Variants in ADAMTS13 observed in about 807,000 individuals in gnomAD.
The protein encoded by ADAMTS13 is ADAM metallopeptidase with thrombospondin type 1 motif 13.
A neutral mutation model predicts 155.1 loss-of-function variants in ADAMTS13; 110 were observed. The ratio of observed to expected loss-of-function variants is 0.71; its 90% confidence interval spans 0.61 to 0.83. The LOEUF is 0.83. Ranked by LOEUF, ADAMTS13 falls within the 40% of genes least tolerant of loss-of-function variation. ADAMTS13 has a pLI of 0.00. For synonymous variants in ADAMTS13, 758 were observed against 756.4 expected (o/e 1.00, Z -0.03); for missense variants, 1,707 against 1,891.7 (o/e 0.90, Z 1.81).
chr9:133,418,203 T>G, upstream of ADAMTS13: 1 of 316,720 alleles, frequency 3.2e-6, no homozygotes, highest in Non-Finnish European at 5.9e-6. Flanking sequence ...CTCCCCAAGA[T>G]CCGGGATGGG....
intron 15 of ADAMTS13, among the ~76,000 whole-genome samples, chr9:133,439,649 A>G (rs1281572345): frequency 6.6e-6 from 1 of 152,238 alleles, no homozygotes; most frequent in Non-Finnish European, 1.5e-5. Context: ...AGAAGAACAC[A>G]GGTTAGAATT....
chr9:133,432,985 G>A (rs1840882450), intron 9 of ADAMTS13, among the ~76,000 whole-genome samples: 1 of 150,982 alleles, frequency 6.6e-6, no homozygotes. Flanking sequence ...GTGTCTCGGG[G>A]GGGATCCCTG....
At chr9:133,457,294 C>T (rs988657119) in intron 27 of ADAMTS13, among the ~76,000 whole-genome samples, 1 of 152,222 alleles carries the variant, frequency 6.6e-6, no homozygotes, top group African/African-American at 2.4e-5. Context: ...AGAGGTTCCT[C>T]GGCTCCCCCA....
Position 133,414,702 on chromosome 9 carries a change from G to A in ADAMTS13, n.287+58G>A, listed in dbSNP as rs201828143. ...GCTGGGGCTGCCTCCTTAGCTTTCC[G>A]CTTCTTATGCTCGATGTCCCCTCGT... On this transcript the variant is annotated intron_variant and non_coding_transcript_variant, in intron 1 of 17. Transcript: ENST00000485925. 7 of 1,614,016 alleles carry A rather than the reference G, an allele frequency of 4.3e-6. No individual in the cohort carries two copies. In the African/African-American group the frequency reaches 5.3e-5, roughly 12 times the overall value.
At chr9:133,420,827 A>C (rs1839923263), upstream of ADAMTS13, among the ~76,000 whole-genome samples, 1 of 152,276 alleles carries the variant, frequency 6.6e-6, no homozygotes, top group African/African-American at 2.4e-5. Context: ...TTTAAAGATC[A>C]ATTTCAATGG....
chr9:133,455,580 C>T, intron 25 of ADAMTS13, 145 bp downstream of exon 25: 1 of 1,604,986 alleles, frequency 6.2e-7, no homozygotes, highest in Non-Finnish European at 8.5e-7. Context: ...CTGCCCGGGC[C>T]CCAGGAAAAC....
chr9:133,433,811 T>G (rs1840974002), intron 11 of ADAMTS13, 107 bp downstream of exon 11: 1 of 1,354,868 alleles, frequency 7.4e-7, no homozygotes, highest in Admixed American at 1.8e-5. Context: ...AGAAGGACAT[T>G]GGGGCCAGGT....
chr9:133,444,481 AT>A (rs1333181899), intron 19 of ADAMTS13, among the ~76,000 whole-genome samples: 1 of 151,768 alleles, frequency 6.6e-6, no homozygotes, highest in East Asian at 1.9e-4. Flanking sequence ...TAATTTTTGT[AT>A]TTTTTGTAGA....
intron 13 of ADAMTS13, 27 bp from the exon 14 acceptor site, chr9:133,438,218 CG>C: frequency 6.2e-7 from 1 of 1,614,096 alleles, no homozygotes; most frequent in South Asian, 1.1e-5. Context: ...TCCAGTGACA[CG>C]GGCCCTCTGT....
chr9:133,426,465 C>A, intron 6 of ADAMTS13, 120 bp downstream of exon 6: 1 of 1,359,952 alleles, frequency 7.4e-7, no homozygotes. Context: ...AGCCTGTACC[C>A]CTCACCCCGA....
intron 18 of ADAMTS13, 63 bp from the exon 19 acceptor site, chr9:133,443,313 C>T: frequency 1.3e-6 from 2 of 1,541,788 alleles, no homozygotes; most frequent in South Asian, 1.2e-5. Context: ...GCACCTGCCA[C>T]CCCATCACCC....
At position 133,432,646 on chromosome 9, in the gene ADAMTS13, G is replaced by A. The variant is rs1554787819; in HGVS notation, c.1046G>A (p.Arg349His). 9.0e-6 allele frequency: 14 copies of A among 1,559,726 alleles called. No homozygotes were observed. Among genetic ancestry groups the A allele is most frequent in the South Asian group, 2.4e-5 (2 of 84,780 alleles). Residue 349 changes from arginine to histidine, a missense_variant, in exon 9 of 29, where the codon CGC becomes CAC. Coordinates refer to ENST00000355699, the MANE Select transcript of ADAMTS13 (RefSeq NM_139027.6). ...CCGCTGGACCAAAGCAGCTGCAGCC[G>A]CCTCCTCGTTCCTCTCCTGGATGGG... ...TDPLDQSSCSRLLVPLLDGTE... is the reference protein window; with the variant it reads ...TDPLDQSSCSHLLVPLLDGTE...
At position 133,459,302 on chromosome 9, in the gene ADAMTS13, C is replaced by A; in HGVS notation, c.*122C>A. 1.9e-6 allele frequency: 2 copies of A among 1,040,612 alleles called. No individual in the cohort carries two copies. The highest frequency in any genetic ancestry group is 2.9e-6 in the Non-Finnish European group (2 of 691,048). The allele number at this position is 1,040,612 out of a possible 1,614,324, so 64.5% of individuals were successfully genotyped here. A position where few individuals can be genotyped will look rare whatever the true frequency, so the allele number is the denominator to read the frequency against. On this transcript the variant is annotated 3_prime_UTR_variant, in exon 29 of 29. Transcript: ENST00000355699. ...CTACTTTAGAGTCTTCTCCAATGTC[C>A]AAAAGGCTAGGGGGTTGGAGGTGGG...
intron 19 of ADAMTS13, 27 bp downstream of exon 19, chr9:133,443,588 G>A: frequency 6.6e-7 from 1 of 1,521,536 alleles, no homozygotes; most frequent in Non-Finnish European, 8.8e-7. Context: ...GTGGGGCTGG[G>A]AGAGGGCCTT....
intron 23 of ADAMTS13, among the ~76,000 whole-genome samples, chr9:133,450,489 G>A (rs951149777): frequency 2.7e-4 from 41 of 151,692 alleles, no homozygotes; most frequent in African/African-American, 9.9e-4. Context: ...CGCTTGAACC[G>A]GGGAGGCCAA....
At chr9:133,454,274 G>T in intron 23 of ADAMTS13, 141 bp from the exon 24 acceptor site, 1 of 1,019,906 alleles carries the variant, frequency 9.8e-7, no homozygotes, top group Non-Finnish European at 1.5e-6. Context: ...GAGGGGCTCA[G>T]TGGCTGCACT....
In ADAMTS13 at chr9:133,433,545, T is replaced by A. The variant is rs1554788160; in HGVS notation, c.1244+16T>A. 6.2e-7 allele frequency: 1 copy of A among 1,613,212 alleles called. No individual in the cohort carries two copies. Among genetic ancestry groups the A allele is most frequent in the East Asian group, 2.2e-5 (1 of 44,866 alleles). ...ACAACCCCAGGTACCGCAGGGAGGGTGCTTTTCTGTCAGGGAGTGTGGCCA... is the reference window on the plus strand; with the variant it reads ...ACAACCCCAGGTACCGCAGGGAGGGAGCTTTTCTGTCAGGGAGTGTGGCCA... On this transcript the variant is annotated intron_variant, in intron 10 of 28. Coordinates refer to ENST00000355699, the MANE Select transcript of ADAMTS13 (RefSeq NM_139027.6).
chr9:133,438,285 T>G lies in ADAMTS13; in HGVS notation c.1624T>G (p.Trp542Gly). 6.2e-7 allele frequency: 1 copy of G among 1,614,128 alleles called. No homozygotes were observed. The highest frequency in any genetic ancestry group is 8.5e-7 in the Non-Finnish European group (1 of 1,180,020). The part of the protein sequence containing the change: ...CDGRMDSQQV[W>G]DRCQVCGGDN... ...TGGTAGGATGGACTCCCAGCAGGTA[T>G]GGGACAGGTGCCAGGTGTGTGGTGG... The change falls in exon 14 of 29, where the codon TGG becomes GGG. Residue 542 changes from tryptophan to glycine, a missense_variant. Coordinates refer to ENST00000355699, the MANE Select transcript of ADAMTS13 (RefSeq NM_139027.6).
At position 133,455,934 on chromosome 9, in the gene ADAMTS13, A is replaced by G. The variant is rs898699774; in HGVS notation, c.3401-135A>G. On this transcript the variant is annotated intron_variant, in intron 25 of 28. Coordinates refer to ENST00000355699, the MANE Select transcript of ADAMTS13 (RefSeq NM_139027.6). ...ATGCAGCCCCCCTCCCTGTCCTGAG[A>G]AGGCTTCCAGCTGGGCCTTGGAGGA... is the stretch of plus-strand genomic sequence containing the variant. The G allele has an allele frequency of 4.2e-6, 5 of 1,193,830 alleles. No homozygotes were observed. In the South Asian group the frequency reaches 6.4e-5, roughly 15 times the overall value. The allele number at this position is 1,193,830 out of a possible 1,614,324, so 74.0% of individuals were successfully genotyped here.
Sources: gnomAD v4.1 joint callset for allele counts (sites outside exome capture counted in the v4.1 genomes callset) on GRCh38, gnomAD v4.1.1 for gene constraint, MANE v1.5 for transcripts, NCBI Gene and HGNC (gene_info 2026-07-23, HGNC 2026-07-21) for gene names.